The following DMD variants were observed in gnomAD, a reference collection of about 807,000 sequenced individuals.
DMD encodes the protein mutant dystrophin.
DMD carries 63 observed loss-of-function variants against 330.1 expected under a neutral mutation model. That is an observed-to-expected ratio of 0.19 (90% CI 0.16 to 0.24). The LOEUF (loss-of-function observed/expected upper bound fraction) is 0.24, where lower values mean the gene tolerates loss of function less well. Ranked by LOEUF, DMD falls within the 10% of genes least tolerant of loss-of-function variation. The probability of loss-of-function intolerance (pLI) is 1.00; values close to 1 mark genes in which losing one functional copy is unlikely to be tolerated. For synonymous variants in DMD, 1,223 were observed against 959.8 expected, an observed-to-expected ratio of 1.27 and a Z score of -5.07; for missense variants, 3,344 against 2,684.1, an observed-to-expected ratio of 1.25 and a Z score of -5.43.
intron 50 of DMD, among the ~76,000 whole-genome samples, chrX:31,783,657 T>C (rs1292613564): frequency 9.0e-6 from 1 of 111,104 alleles, no homozygotes; most frequent in Non-Finnish European, 1.9e-5. Context: ...TGTAATCTCG[T>C]TCTCTCTCTA....
intron 1 of DMD, among the ~76,000 whole-genome samples, chrX:33,140,681 T>A (rs1328853582): frequency 1.8e-5 from 2 of 112,360 alleles, no homozygotes; most frequent in Admixed American, 1.9e-4. Flanking sequence ...TATGCAATTA[T>A]AGGGATAAAC....
intron 78 of DMD, among the ~76,000 whole-genome samples, chrX:31,123,070 A>T (rs1217622252): frequency 8.9e-6 from 1 of 111,833 alleles, no homozygotes; most frequent in Non-Finnish European, 1.9e-5. Flanking sequence ...TACCAATAAA[A>T]ATTAAAGATA....
At chrX:31,231,449 T>G (rs1001425921) in intron 63 of DMD, among the ~76,000 whole-genome samples, 1 of 112,231 alleles carries the variant, frequency 8.9e-6, no homozygotes, top group African/African-American at 3.2e-5. Context: ...AATCCTTTCA[T>G]CTATCCTTTC....
At chrX:31,831,622 G>A (rs781126964) in intron 49 of DMD, among the ~76,000 whole-genome samples, 1 of 110,918 alleles carries the variant, frequency 9.0e-6, no homozygotes, top group South Asian at 3.8e-4. Flanking sequence ...TTTATGAGAT[G>A]GAGTCTCACT....
At position 32,411,798 on chromosome X, in the gene DMD, T is replaced by C. The variant is rs1285175554; in HGVS notation, c.4187A>G (p.Tyr1396Cys). The C allele has an allele frequency of 9.9e-6, 12 of 1,211,595 alleles. No individual in the cohort carries two copies. The highest frequency in any genetic ancestry group is 1.1e-5 in the Non-Finnish European group (10 of 895,399). Residue 1396 changes from tyrosine to cysteine, a missense_variant, in exon 30 of 79, where the codon TAT (tyrosine) becomes TGT (cysteine). By Grantham distance (194) the Tyr-to-Cys change is radical. Transcript: ENST00000357033. ...LTFIDKQLAA[Y>C]IADKVDAAQM... ...AGCTGCGTCCACCTTGTCTGCAATA[T>C]AAGCTGCCAACTGCTTGTCAATGAA...
chrX:32,800,385 A>G (rs973275715), intron 7 of DMD, among the ~76,000 whole-genome samples: 7 of 111,543 alleles, frequency 6.3e-5, no homozygotes, highest in African/African-American at 2.3e-4. Flanking sequence ...CTTATGAGTT[A>G]TTATTTTTTT....
At chrX:33,329,876 AT>A (rs1303057349) in intron 1 of DMD, among the ~76,000 whole-genome samples, 1 of 111,438 alleles carries the variant, frequency 9.0e-6, no homozygotes, top group Non-Finnish European at 1.9e-5. Context: ...ACACCTATTG[AT>A]TTGTGAACTT....
intron 44 of DMD, among the ~76,000 whole-genome samples, chrX:32,000,692 T>C (rs191177875): frequency 6.2e-5 from 7 of 112,075 alleles, no homozygotes; most frequent in African/African-American, 1.9e-4. Context: ...TATCATATTA[T>C]CATATTGTAT....
chrX:32,815,962 A>G (rs1044771409), intron 6 of DMD, among the ~76,000 whole-genome samples: 1 of 111,597 alleles, frequency 9.0e-6, no homozygotes, highest in Non-Finnish European at 1.9e-5. Context: ...AGAACAAAGT[A>G]TACAGGGCTT....
At chrX:32,619,707 C>A (rs943871429) in intron 11 of DMD, among the ~76,000 whole-genome samples, 1 of 111,613 alleles carries the variant, frequency 9.0e-6, no homozygotes, top group Non-Finnish European at 1.9e-5. Context: ...AAAGATAGAA[C>A]ACACTCAAAT....
chrX:33,129,535 A>T (rs763811483), intron 1 of DMD, among the ~76,000 whole-genome samples: 3 of 96,870 alleles, frequency 3.1e-5, no homozygotes, highest in Non-Finnish European at 4.2e-5. Context: ...AAAAAAAAAA[A>T]CCCACACCTT....
At chrX:33,027,372 CT>C (rs1483073059) in intron 1 of DMD, among the ~76,000 whole-genome samples, 2 of 112,160 alleles carry the variant, frequency 1.8e-5, no homozygotes, top group African/African-American at 3.2e-5. Flanking sequence ...AGATTCTCCC[CT>C]GGAGCATCCA....
chrX:33,199,867 C>T (rs186857107), intron 1 of DMD, among the ~76,000 whole-genome samples: 25 of 111,303 alleles, frequency 2.2e-4, no homozygotes, highest in African/African-American at 7.8e-4. Context: ...TCACTATTGA[C>T]CTTCTGCAAG....
At chrX:32,569,539 C>CAATGTGCA (rs2052154871) in intron 15 of DMD, among the ~76,000 whole-genome samples, 1 of 111,714 alleles carries the variant, frequency 9.0e-6, no homozygotes, top group Admixed American at 9.5e-5. Flanking sequence ...GATGGCCTAA[C>CAATGTGCA]AATGTGCATT....
chrX:32,697,702 C>T (rs907546452), intron 9 of DMD, among the ~76,000 whole-genome samples, 168 bp downstream of exon 9: 2 of 111,697 alleles, frequency 1.8e-5, no homozygotes, highest in African/African-American at 6.5e-5. Context: ...AGAGAAGACT[C>T]AATAACAAAG....
chrX:31,415,766 C>T (rs761195332), intron 60 of DMD, among the ~76,000 whole-genome samples: 1 of 111,072 alleles, frequency 9.0e-6, no homozygotes, highest in East Asian at 2.8e-4. Context: ...TTGCAAACTT[C>T]ACCGCACTTT....
In DMD at chrX:31,968,454, C is replaced by T. The variant is rs781357643; in HGVS notation, c.6499G>A (p.Glu2167Lys). The T allele has an allele frequency of 8.3e-7, 1 of 1,209,083 alleles. No homozygotes were observed. Among genetic ancestry groups the T allele is most frequent in the East Asian group, 3.0e-5 (1 of 33,725 alleles). ...TTTGAGGATTGCTGAATTATTTCTT[C>T]CCCAGTTGCATTCAATGTTCTGACA... ...TVVRTLNATGEEIIQQSSKTD... is the reference protein window; with the variant it reads ...TVVRTLNATGKEIIQQSSKTD... The change falls in exon 45 of 79, where the codon GAA (glutamate) becomes AAA (lysine). Residue 2167 changes from glutamate (E) to lysine (K), a missense_variant. Physicochemically the swap from Glu to Lys is moderately conservative, Grantham distance 56. Coordinates refer to ENST00000357033, the MANE Select transcript of DMD (RefSeq NM_004006.3).
At chrX:32,171,861 T>G (rs1469350783) in intron 44 of DMD, among the ~76,000 whole-genome samples, 1 of 111,533 alleles carries the variant, frequency 9.0e-6, no homozygotes, top group Non-Finnish European at 1.9e-5. Flanking sequence ...TAATGCATAC[T>G]TAACAATGTG....
At position 32,366,225 on chromosome X, in the gene DMD, A is replaced by G. The variant is rs780460472; in HGVS notation, c.4846-1026T>C. Among the ~76,000 whole-genome samples the G allele has an allele frequency of 1.2e-4, 13 of 112,380 alleles. No homozygotes were observed. In the South Asian group the frequency reaches 4.4e-3, roughly 38 times the overall value. On this transcript the variant is annotated intron_variant, in intron 34 of 78. Coordinates refer to ENST00000357033, the MANE Select transcript of DMD (RefSeq NM_004006.3). ...CTGCATAAAGCCCCTTTCCTGGTAC[A>G]TGGCACGGCTGACAGACAATGTGGC... is the stretch of plus-strand genomic sequence containing the variant.
Sources: gnomAD v4.1 joint callset for allele counts (sites outside exome capture counted in the v4.1 genomes callset) on GRCh38, gnomAD v4.1.1 for gene constraint, MANE v1.5 for transcripts, NCBI Gene and HGNC (gene_info 2026-07-23, HGNC 2026-07-21) for gene names.